Variants in GZMA observed in about 807,000 individuals in gnomAD.
The protein encoded by GZMA is granzyme A.
In GZMA, 17 loss-of-function variants were observed where a neutral mutation model predicts 21.1. That is an observed-to-expected ratio of 0.81 (90% CI 0.55 to 1.21). The LOEUF (loss-of-function observed/expected upper bound fraction) is 1.21, where lower values mean the gene tolerates loss of function less well. Among genes scored for constraint, GZMA ranks in the 50% most tolerant of loss-of-function variants. GZMA has a pLI of 0.00. For synonymous variants in GZMA, 90 were observed against 107.8 expected, an observed-to-expected ratio of 0.83 and a Z score of 1.03; for missense variants, 306 against 315.9, an observed-to-expected ratio of 0.97 and a Z score of 0.24.
At chr5:55,108,020 T>A (rs1469629934) in intron 3 of GZMA, 85 bp downstream of exon 3, 2 of 1,424,582 alleles carry the variant, frequency 1.4e-6, no homozygotes, top group African/African-American at 2.8e-5. Context: ...TTGGTGCCCC[T>A]GTTGTAAAAA....
At chr5:55,108,821 G>A (rs1253436537) in intron 4 of GZMA, among the ~76,000 whole-genome samples, 6 of 151,966 alleles carry the variant, frequency 3.9e-5, no homozygotes, top group East Asian at 3.9e-4. Flanking sequence ...ATTTAACATC[G>A]GCATGTCTGA....
At position 55,108,316 on chromosome 5, in the gene GZMA, T is replaced by C. The variant is rs139102453; in HGVS notation, c.549T>C (p.Asn183=). The C allele has an allele frequency of 3.7e-6, 6 of 1,613,526 alleles. No individual in the cohort carries two copies. The highest frequency in any genetic ancestry group is 5.1e-6 in the Non-Finnish European group (6 of 1,179,524). ...ACAGAAAAGTCTGCAATGATCGAAA[T>C]CACTATAATTTTAACCCTGTGATTG... is the stretch of plus-strand genomic sequence containing the variant. ...IIDRKVCNDR[N]HYNFNPVIGM... The change falls in exon 4 of 5, where the codon AAT becomes AAC. Residue 183 remains asparagine, a synonymous_variant. Transcript: ENST00000274306.
At chr5:55,109,684 A>T (rs568706210) in intron 4 of GZMA, among the ~76,000 whole-genome samples, 4 of 152,330 alleles carry the variant, frequency 2.6e-5, no homozygotes, top group Admixed American at 1.3e-4. Context: ...TATCATCTGC[A>T]TTTGACTATT....
At chr5:55,108,048 C>T in intron 3 of GZMA, 77 bp from the exon 4 acceptor site, 1 of 1,404,482 alleles carries the variant, frequency 7.1e-7, no homozygotes, top group Non-Finnish European at 9.9e-7. Flanking sequence ...TAAAGAGGAT[C>T]CTGAAATTTT....
At chr5:55,105,270 G>A (rs1742367464) in intron 1 of GZMA, among the ~76,000 whole-genome samples, 1 of 152,190 alleles carries the variant, frequency 6.6e-6, no homozygotes, top group African/African-American at 2.4e-5. Context: ...GCTTCTGTGG[G>A]TGGAAAAACA....
intron 2 of GZMA, among the ~76,000 whole-genome samples, chr5:55,105,920 C>T (rs980202249): frequency 1.3e-4 from 19 of 150,830 alleles, no homozygotes; most frequent in Admixed American, 6.6e-4. Flanking sequence ...TGCAGTGAGC[C>T]GAGATCGCAC....
At position 55,110,123 on chromosome 5, in the gene GZMA, AT is replaced by A; in HGVS notation, c.732del (p.Leu245PhefsTer10). ...AGACCCTCGTGGGCCTGGTGTCTAT[AT>A]TCTTCTCTCAAAGAAACACCTCAAC... is the stretch of plus-strand genomic sequence containing the variant. ...CGDPRGPGVY[I>X]LLSKKHLNWI... On this transcript the variant is annotated frameshift_variant, in exon 5 of 5. Transcript: ENST00000274306. LOFTEE classifies it low-confidence loss of function (END_TRUNC). The A allele has an allele frequency of 6.2e-7, 1 of 1,612,204 alleles. No homozygotes were observed. The highest frequency in any genetic ancestry group is 2.2e-5 in the East Asian group (1 of 44,752).
chr5:55,102,997 AT>A lies in GZMA; in HGVS notation c.70+257del, dbSNP rs563281811. ...GGCGACATAGTGAGACCCTGTCTCT[AT>A]TTTTTTTTTTTAAATAGCATTCTTT... On this transcript the variant is annotated intron_variant, in intron 1 of 4. Coordinates refer to ENST00000274306, the MANE Select transcript of GZMA (RefSeq NM_006144.4). 3.3e-3 allele frequency among the ~76,000 whole-genome samples: 474 copies of A among 144,252 alleles called. 1 individual carries two copies. The highest frequency in any genetic ancestry group is 6.5e-3 in the African/African-American group (257 of 39,546). 94.6% of individuals were successfully genotyped at this position (144,252 alleles called of 152,430 possible).
chr5:55,108,466 C>A, intron 4 of GZMA, 72 bp downstream of exon 4: 1 of 1,299,334 alleles, frequency 7.7e-7, no homozygotes, highest in Non-Finnish European at 1.1e-6. Context: ...TAATGTCATG[C>A]TTTGTTTTGT....
chr5:55,104,382 C>T (rs572813912), intron 1 of GZMA, among the ~76,000 whole-genome samples: 1 of 152,156 alleles, frequency 6.6e-6, no homozygotes, highest in African/African-American at 2.4e-5. Flanking sequence ...GTTTCTAGAG[C>T]CTAGAATTTC....
chr5:55,103,177 T>G (rs528301972), intron 1 of GZMA, among the ~76,000 whole-genome samples: 2 of 152,254 alleles, frequency 1.3e-5, no homozygotes, highest in South Asian at 4.1e-4. Context: ...TTAACAAAAC[T>G]CTCTTGTTCG....
rs1742370919 is a variant in GZMA at position 55,105,468 on chromosome 5, G to T, written c.71-6G>T. On this transcript the variant is annotated splice_region_variant and splice_polypyrimidine_tract_variant and intron_variant, in intron 1 of 4. Transcript: ENST00000274306. ...CCAATCTGATTTGTCTTTTTCCATT[G>T]AACAGATGTCTGTGAAAAAATTATT... 5.0e-6 allele frequency: 8 copies of T among 1,611,336 alleles called. No individual in the cohort carries two copies. The East Asian group carries it at 1.8e-4, about 36-fold the overall frequency.
At chr5:55,104,974 GA>G (rs1388568235) in intron 1 of GZMA, among the ~76,000 whole-genome samples, 1 of 152,228 alleles carries the variant, frequency 6.6e-6, no homozygotes, top group East Asian at 1.9e-4. Context: ...CCAAAGGACT[GA>G]GGGGTAGGGT....
At position 55,106,278 on chromosome 5, in the gene GZMA, AAAT is replaced by A. The variant is rs1238325126; in HGVS notation, c.215+663_215+665del. On this transcript the variant is annotated intron_variant, in intron 2 of 4. Coordinates refer to ENST00000274306, the MANE Select transcript of GZMA (RefSeq NM_006144.4). Reference sequence around the variant, plus strand: ...AAAATAAAATAAATAAAATAAAATAAAATAAAATAAAATAAAATAAAATATAAA... The same window carrying A: ...AAAATAAAATAAATAAAATAAAATAAAAAATAAAATAAAATAAAATATAAA... Among the ~76,000 whole-genome samples, 2 of 15,696 alleles carry A rather than the reference AAAT, an allele frequency of 1.3e-4. 1 individual carries two copies. The highest frequency in any genetic ancestry group is 2.8e-4 in the African/African-American group (2 of 7,218). 10.3% of individuals were successfully genotyped at this position (15,696 alleles called of 152,430 possible).
At chr5:55,104,015 CAA>C (rs1163180342) in intron 1 of GZMA, among the ~76,000 whole-genome samples, 2 of 150,384 alleles carry the variant, frequency 1.3e-5, no homozygotes, top group Non-Finnish European at 3.0e-5. Flanking sequence ...AAAAAAAAAA[CAA>C]AAAAGAGAGA....
chr5:55,107,729 A>C, intron 2 of GZMA, 65 bp from the exon 3 acceptor site: 1 of 1,213,758 alleles, frequency 8.2e-7, no homozygotes, highest in Non-Finnish European at 1.2e-6. Context: ...GAAACTGATC[A>C]GTATATATGC....
intron 1 of GZMA, among the ~76,000 whole-genome samples, chr5:55,105,248 G>A (rs1284973811): frequency 6.6e-6 from 1 of 152,220 alleles, no homozygotes; most frequent in Non-Finnish European, 1.5e-5. Context: ...TCCTGGAACA[G>A]TCAATGGCCT....
chr5:55,103,961 G>A (rs902105350), intron 1 of GZMA, among the ~76,000 whole-genome samples: 2 of 151,864 alleles, frequency 1.3e-5, no homozygotes, highest in South Asian at 2.1e-4. Flanking sequence ...AGCTAAGATC[G>A]TGCCACTGCA....
intron 1 of GZMA, among the ~76,000 whole-genome samples, chr5:55,104,670 G>C (rs1434100834): frequency 1.3e-5 from 2 of 152,194 alleles, no homozygotes; most frequent in African/African-American, 4.8e-5. Context: ...CACTCGGAGT[G>C]TATCACTAAG....
Sources: allele counts gnomAD v4.1 joint callset (sites outside exome capture counted in the v4.1 genomes callset), GRCh38; gene constraint gnomAD v4.1.1; transcripts MANE v1.5; gene names NCBI Gene and HGNC (gene_info 2026-07-23, HGNC 2026-07-21).